Variants in AGBL4 observed in about 807,000 individuals in gnomAD.
The protein encoded by AGBL4 is AGBL carboxypeptidase 4.
AGBL4 carries 58 observed loss-of-function variants against 66.4 expected under a neutral mutation model. The ratio of observed to expected loss-of-function variants is 0.87; its 90% CI spans 0.71 to 1.09. The LOEUF (loss-of-function observed/expected upper bound fraction) is 1.09, where lower values mean the gene tolerates loss of function less well. Among genes scored for constraint, AGBL4 ranks in the 50% least tolerant of loss-of-function variants. The probability of loss-of-function intolerance (pLI) is 0.00; values close to 1 mark genes in which losing one functional copy is unlikely to be tolerated. For synonymous variants in AGBL4, 234 were observed against 222.9 expected, an observed-to-expected ratio of 1.05 and a Z score of -0.44; for missense variants, 579 against 631.0, an observed-to-expected ratio of 0.92 and a Z score of 0.88.
chr1:48,893,139 C>T (rs1284403911), intron 5 of AGBL4, among the ~76,000 whole-genome samples: 1 of 152,150 alleles, frequency 6.6e-6, no homozygotes, highest in Non-Finnish European at 1.5e-5. Flanking sequence ...GCTGGGGCTG[C>T]TCAGCTGACT....
intron 2 of AGBL4, among the ~76,000 whole-genome samples, chr1:49,804,266 T>C (rs1024135647): frequency 9.2e-5 from 14 of 152,200 alleles, no homozygotes; most frequent in African/African-American, 3.4e-4. Flanking sequence ...TGGCAGATAT[T>C]ACAAAACTTA....
At chr1:49,933,754 C>A (rs1257775778) in intron 1 of AGBL4, among the ~76,000 whole-genome samples, 1 of 151,772 alleles carries the variant, frequency 6.6e-6, no homozygotes, top group Non-Finnish European at 1.5e-5. Context: ...CACCTAATGA[C>A]CATCACAAAT....
intron 3 of AGBL4, among the ~76,000 whole-genome samples, chr1:49,246,467 A>G (rs1341084113): frequency 6.6e-6 from 1 of 151,816 alleles, no homozygotes; most frequent in Non-Finnish European, 1.5e-5. Flanking sequence ...CCTCTTTCGT[A>G]CCCTCTTTGT....
At chr1:49,058,960 A>C (rs11205593) in intron 4 of AGBL4, among the ~76,000 whole-genome samples, 102,428 of 151,622 alleles carry the variant, frequency 0.68, 35,101 homozygotes, top group African/African-American at 0.75. Flanking sequence ...CAAGAGGAAG[A>C]AGAGCAGAAA....
intron 5 of AGBL4, among the ~76,000 whole-genome samples, chr1:48,964,372 T>C (rs1658249186): frequency 6.6e-6 from 1 of 151,120 alleles, no homozygotes; most frequent in South Asian, 2.1e-4. Context: ...CAAAGTATGG[T>C]TGCCAGCTCA....
At chr1:48,739,535 C>T (rs1649584928) in intron 6 of AGBL4, among the ~76,000 whole-genome samples, 1 of 152,174 alleles carries the variant, frequency 6.6e-6, no homozygotes, top group Admixed American at 6.5e-5. Flanking sequence ...GCCGTAACAT[C>T]AAGAGGATGG....
chr1:49,743,951 G>A (rs1323175959), intron 2 of AGBL4, among the ~76,000 whole-genome samples: 3 of 151,686 alleles, frequency 2.0e-5, no homozygotes, highest in Non-Finnish European at 4.4e-5. Context: ...TATACCTAAT[G>A]TTAAATGACG....
intron 4 of AGBL4, among the ~76,000 whole-genome samples, chr1:49,169,125 G>A (rs1416297884): frequency 3.3e-5 from 5 of 152,136 alleles, no homozygotes; most frequent in Non-Finnish European, 7.4e-5. Flanking sequence ...ATTAGCATAA[G>A]TTTTTGCCTC....
intron 5 of AGBL4, among the ~76,000 whole-genome samples, chr1:49,001,789 G>A (rs771190412): frequency 1.8e-4 from 27 of 152,032 alleles, no homozygotes; most frequent in Non-Finnish European, 3.4e-4. Flanking sequence ...TTTAAACACC[G>A]TCAGTAATGC....
intron 6 of AGBL4, among the ~76,000 whole-genome samples, chr1:48,781,172 A>G (rs1645282259): frequency 6.6e-6 from 1 of 152,206 alleles, no homozygotes; most frequent in South Asian, 2.1e-4. Context: ...CCGATAACCC[A>G]GAAAGAGGAA....
chr1:48,714,730 G>C (rs1166147574), intron 6 of AGBL4, among the ~76,000 whole-genome samples: 1 of 152,186 alleles, frequency 6.6e-6, no homozygotes, highest in African/African-American at 2.4e-5. Flanking sequence ...TCCTTAGCTA[G>C]CCTATGAGGC....
chr1:49,311,635 G>A (rs1337443437), intron 3 of AGBL4, among the ~76,000 whole-genome samples: 1 of 151,908 alleles, frequency 6.6e-6, no homozygotes, highest in Admixed American at 6.6e-5. Flanking sequence ...CCATGTTCCT[G>A]GATGCAAAGA....
chr1:48,610,396 A>C (rs570883662), intron 9 of AGBL4, among the ~76,000 whole-genome samples: 3 of 152,348 alleles, frequency 2.0e-5, no homozygotes, highest in Non-Finnish European at 4.4e-5. Flanking sequence ...TAGAGACTAC[A>C]GTCATACCAC....
At chr1:49,541,191 T>A (rs1377169082) in intron 3 of AGBL4, among the ~76,000 whole-genome samples, 1 of 152,202 alleles carries the variant, frequency 6.6e-6, no homozygotes, top group African/African-American at 2.4e-5. Context: ...CAGCCCTCAC[T>A]CACTCTCGGC....
intron 3 of AGBL4, among the ~76,000 whole-genome samples, chr1:49,415,327 A>T (rs1299457821): frequency 6.6e-6 from 1 of 152,180 alleles, no homozygotes; most frequent in Non-Finnish European, 1.5e-5. Context: ...ATGTTAATTG[A>T]TTGCTTTAAA....
chr1:49,736,951 A>G (rs1649943135), intron 2 of AGBL4, among the ~76,000 whole-genome samples: 1 of 152,190 alleles, frequency 6.6e-6, no homozygotes, highest in South Asian at 2.1e-4. Flanking sequence ...TGCAAATCAA[A>G]ACCACTATGA....
intron 5 of AGBL4, among the ~76,000 whole-genome samples, chr1:49,035,847 A>G (rs553884179): frequency 6.6e-6 from 1 of 152,228 alleles, no homozygotes; most frequent in Admixed American, 6.5e-5. Context: ...CCAACTTTCT[A>G]TAAACCTAAA....
At chr1:49,821,274 A>G (rs1645363766) in intron 2 of AGBL4, among the ~76,000 whole-genome samples, 1 of 152,198 alleles carries the variant, frequency 6.6e-6, no homozygotes, top group Non-Finnish European at 1.5e-5. Context: ...ATCCTCATTT[A>G]CCTCTCACAG....
At chr1:48,922,111 G>T (rs1172454271) in intron 5 of AGBL4, among the ~76,000 whole-genome samples, 1 of 152,162 alleles carries the variant, frequency 6.6e-6, no homozygotes, top group Non-Finnish European at 1.5e-5. Flanking sequence ...CTTCTCCAGT[G>T]CCTGTGTGAT....
Sources: gnomAD v4.1 joint callset for allele counts (sites outside exome capture counted in the v4.1 genomes callset) on GRCh38, gnomAD v4.1.1 for gene constraint, MANE v1.5 for transcripts, NCBI Gene and HGNC (gene_info 2026-07-23, HGNC 2026-07-21) for gene names.